Variants in TMC2 observed in about 807,000 individuals in gnomAD.
The protein encoded by TMC2 is transmembrane channel like 2, also known as transmembrane channel-like protein 2.
TMC2 carries 102 observed loss-of-function variants against 105.9 expected under a neutral mutation model. The ratio of observed to expected loss-of-function variants is 0.96; its 90% CI spans 0.82 to 1.14. The LOEUF is 1.14. Among genes scored for constraint, TMC2 ranks in the 50% most tolerant of loss-of-function variants. The pLI, the probability that TMC2 is intolerant of heterozygous loss-of-function variation, is 0.00. For synonymous variants in TMC2, 402 were observed against 422.8 expected (o/e 0.95, Z 0.60); for missense variants, 1,093 against 1,134.3 (o/e 0.96, Z 0.52).
intron 2 of TMC2, among the ~76,000 whole-genome samples, chr20:2,539,953 G>A (rs552062669): frequency 1.5e-4 from 16 of 105,360 alleles, no homozygotes; most frequent in East Asian, 7.8e-4. Context: ...GCTCACTCCC[G>A]CAAATAGCAC....
At chr20:2,577,687 C>T (rs6515576) in intron 5 of TMC2, among the ~76,000 whole-genome samples, 2 of 151,888 alleles carry the variant, frequency 1.3e-5, no homozygotes, top group East Asian at 1.9e-4. Context: ...TGAAAGCAGG[C>T]GGATCACTTG....
At chr20:2,589,812 G>A (rs1455424693) in intron 7 of TMC2, among the ~76,000 whole-genome samples, 1 of 152,152 alleles carries the variant, frequency 6.6e-6, no homozygotes, top group Non-Finnish European at 1.5e-5. Context: ...TGGGACTACA[G>A]GCGCCCGCCA....
intron 16 of TMC2, among the ~76,000 whole-genome samples, chr20:2,619,044 C>G (rs1247609268): frequency 6.6e-6 from 1 of 152,188 alleles, no homozygotes; most frequent in South Asian, 2.1e-4. Context: ...CCGCCTCACT[C>G]TAGTCCCAAC....
At chr20:2,612,124 G>T (rs2086444539) in intron 12 of TMC2, 67 bp from the exon 13 acceptor site, 1 of 1,473,586 alleles carries the variant, frequency 6.8e-7, no homozygotes, top group Admixed American at 1.9e-5. Context: ...GGCTTTCACT[G>T]TTCTTATGGA....
intron 2 of TMC2, among the ~76,000 whole-genome samples, chr20:2,541,587 G>A (rs2085889979): frequency 6.6e-6 from 1 of 150,590 alleles, no homozygotes; most frequent in African/African-American, 2.4e-5. Flanking sequence ...GTTGCAGTGA[G>A]CCCAGATTGC....
Position 2,594,839 on chromosome 20 carries a change from C to T in TMC2, c.948C>T (p.Tyr316=). The stretch of plus-strand genomic sequence containing the variant: ...CTGTCCCCCAGGGCTATATCAAGTA[C>T]TCTGCACTCTTCTATGGCTACTACA... The part of the protein sequence containing the change: ...VLWDFEGYIK[Y]SALFYGYYNN... Residue 316 remains tyrosine, a synonymous_variant, in exon 9 of 20, where the codon TAC becomes TAT. Coordinates refer to ENST00000358864, the MANE Select transcript of TMC2 (RefSeq NM_080751.3). 6.2e-7 allele frequency: 1 copy of T among 1,614,148 alleles called. No individual in the cohort carries two copies. Among genetic ancestry groups the T allele is most frequent in the South Asian group, 1.1e-5 (1 of 91,076 alleles).
At position 2,616,305 on chromosome 20, in the gene TMC2, C is replaced by T; in HGVS notation, c.1940+101C>T. 6 of 927,934 alleles carry T rather than the reference C, an allele frequency of 6.5e-6. No individual in the cohort carries two copies. Among genetic ancestry groups the T allele is most frequent in the Non-Finnish European group, 1.1e-5 (6 of 562,846 alleles). 57.5% of individuals were successfully genotyped at this position (927,934 alleles called of 1,614,324 possible). ...ACTAGTTGGAAGAGGCTAGATAAGT[C>T]CTCTTGCCTCTCTGAACTCCCCTCT... On this transcript the variant is annotated intron_variant, in intron 15 of 19. Coordinates refer to ENST00000358864, the MANE Select transcript of TMC2 (RefSeq NM_080751.3). The surrounding 1 kb of genome is among the most constrained non-coding windows in gnomAD (Gnocchi z 4.8).
At chr20:2,547,091 A>G (rs1195380873) in intron 2 of TMC2, among the ~76,000 whole-genome samples, 1 of 152,212 alleles carries the variant, frequency 6.6e-6, no homozygotes, top group Admixed American at 6.5e-5. Flanking sequence ...TATCAAACAT[A>G]TAAGAAAAAT....
In TMC2 at chr20:2,642,214, G is replaced by A. The variant is rs2422815; in HGVS notation, c.*863G>A. On this transcript the variant is annotated 3_prime_UTR_variant, in exon 20 of 20. Coordinates refer to ENST00000358864, the MANE Select transcript of TMC2 (RefSeq NM_080751.3). Reference sequence around the variant, plus strand: ...AGCAAGACCCTTGTCTCTACAAATAGATAAATGAATCAAAGTAAATGAAAG... The same window carrying A: ...AGCAAGACCCTTGTCTCTACAAATAAATAAATGAATCAAAGTAAATGAAAG... 0.75 allele frequency among the ~76,000 whole-genome samples: 114,048 copies of A among 152,130 alleles called. 42,911 individuals carry two copies. The highest frequency in any genetic ancestry group is 0.87 in the East Asian group (4,495 of 5,182).
intron 16 of TMC2, among the ~76,000 whole-genome samples, chr20:2,620,568 T>G (rs1186133926): frequency 6.6e-6 from 1 of 152,194 alleles, no homozygotes. Flanking sequence ...ACTCACACAG[T>G]TTTTGACAAT....
intron 2 of TMC2, among the ~76,000 whole-genome samples, chr20:2,540,592 C>T (rs765784405): frequency 3.5e-5 from 5 of 142,116 alleles, no homozygotes; most frequent in East Asian, 2.1e-4. Context: ...ACCTGGGAGG[C>T]GGAGGTTGCA....
chr20:2,558,591 A>T lies in TMC2; in HGVS notation c.218A>T (p.Gln73Leu). The change falls in exon 3 of 20, where the codon CAA becomes CTA. Residue 73 changes from glutamine to leucine, a missense_variant. By Grantham distance (113) the Gln-to-Leu change is moderately radical. Coordinates refer to ENST00000358864, the MANE Select transcript of TMC2 (RefSeq NM_080751.3). The surrounding 1 kb of genome is among the most constrained non-coding windows in gnomAD (Gnocchi z 4.6). ...AGCCCGGGGTCTCCCCGGAGGAAGC[A>T]AACAGGGCGCAGGAGACACAGAGAA... ...SPSPGSPRRK[Q>L]TGRRRHREEL... 2.6e-6 allele frequency: 4 copies of T among 1,555,164 alleles called. No individual in the cohort carries two copies. The highest frequency in any genetic ancestry group is 3.5e-6 in the Non-Finnish European group (4 of 1,148,966).
chr20:2,632,053 A>T (rs2086607778), intron 17 of TMC2, among the ~76,000 whole-genome samples: 2 of 143,576 alleles, frequency 1.4e-5, no homozygotes, highest in Non-Finnish European at 1.5e-5. Flanking sequence ...ATGGTGTCTC[A>T]CTCTGTCACC....
intron 7 of TMC2, among the ~76,000 whole-genome samples, chr20:2,591,819 G>A (rs1267780826): frequency 6.6e-6 from 1 of 152,176 alleles, no homozygotes; most frequent in African/African-American, 2.4e-5. Flanking sequence ...CAATGAGTGT[G>A]TGTTACTCTT....
At chr20:2,635,210 C>T (rs2031225855) in intron 17 of TMC2, among the ~76,000 whole-genome samples, 2 of 152,188 alleles carry the variant, frequency 1.3e-5, no homozygotes, top group South Asian at 4.1e-4. Context: ...TCAAAGGACA[C>T]CCGATCACCT....
intron 8 of TMC2, 29 bp from the exon 9 acceptor site, chr20:2,594,796 C>T: frequency 1.2e-6 from 2 of 1,610,296 alleles, no homozygotes; most frequent in Non-Finnish European, 1.7e-6. Context: ...GCTTACCAAC[C>T]CAGAGCATTT....
At position 2,616,244 on chromosome 20, in the gene TMC2, G is replaced by A; in HGVS notation, c.1940+40G>A. ...TCATCTGGTGATCGCCTCATCCAAG[G>A]AGTCAAAAAACTGGAATCCCAGACT... On this transcript the variant is annotated intron_variant, in intron 15 of 19. Coordinates refer to ENST00000358864, the MANE Select transcript of TMC2 (RefSeq NM_080751.3). This position sits in a 1 kb window ranked among gnomAD's most constrained non-coding sequence, Gnocchi z 4.8. 1 of 1,568,510 alleles carries A rather than the reference G, an allele frequency of 6.4e-7. No individual in the cohort carries two copies.
intron 3 of TMC2, among the ~76,000 whole-genome samples, chr20:2,560,899 T>C (rs1417584185): frequency 6.6e-6 from 1 of 151,314 alleles, no homozygotes; most frequent in Non-Finnish European, 1.5e-5. Flanking sequence ...ACACAGACAC[T>C]TGGATTTTGT....
At position 2,582,777 on chromosome 20, in the gene TMC2, T is replaced by C. The variant is rs148945071; in HGVS notation, c.834+2721T>C. ...AGGCATGAGCCACCATCCCTGGCCTTGAACGCAACTTTAACGAAACTTCTC... is the reference window on the plus strand; with the variant it reads ...AGGCATGAGCCACCATCCCTGGCCTCGAACGCAACTTTAACGAAACTTCTC... On this transcript the variant is annotated intron_variant, in intron 7 of 19. Coordinates refer to ENST00000358864, the MANE Select transcript of TMC2 (RefSeq NM_080751.3). Among the ~76,000 whole-genome samples, 957 of 152,242 alleles carry C rather than the reference T, an allele frequency of 6.3e-3. 13 individuals carry two copies. Among genetic ancestry groups the C allele is most frequent in the African/African-American group, 0.022 (921 of 41,546 alleles).
Sources: allele counts gnomAD v4.1 joint callset (sites outside exome capture counted in the v4.1 genomes callset), GRCh38; gene constraint gnomAD v4.1.1; non-coding constraint Gnocchi (gnomAD v3.1); transcripts MANE v1.5; gene names NCBI Gene and HGNC (gene_info 2026-07-23, HGNC 2026-07-21).